RYR3: variants seen among roughly 807,000 people sequenced by gnomAD.
RYR3 encodes ryanodine receptor 3.
RYR3 carries 207 observed loss-of-function variants against 584.3 expected under a neutral mutation model. That is an observed-to-expected ratio of 0.35 (90% CI 0.32 to 0.40). The LOEUF (loss-of-function observed/expected upper bound fraction) is 0.40, where lower values mean the gene tolerates loss of function less well. Ranked by LOEUF, RYR3 falls within the 10% of genes least tolerant of loss-of-function variation. The pLI is 1.00. For missense variants in RYR3, 5,616 were observed against 6,089.2 expected, an observed-to-expected ratio of 0.92 and a Z score of 2.59; for synonymous variants, 2,416 against 2,248.5, an observed-to-expected ratio of 1.07 and a Z score of -2.11.
intron 14 of RYR3, among the ~76,000 whole-genome samples, chr15:33,582,070 A>G (rs563914935): frequency 6.6e-6 from 1 of 152,336 alleles, no homozygotes; most frequent in South Asian, 2.1e-4. Flanking sequence ...TTTGGCCTGT[A>G]ATTTATTTCA....
Position 33,807,716 on chromosome 15 carries a change from A to G in RYR3, c.10026+147A>G, listed in dbSNP as rs957956490. The G allele has an allele frequency of 1.1e-4, 84 of 786,788 alleles. No homozygotes were observed. In the African/African-American group the frequency reaches 1.3e-3, roughly 12 times the overall value. 48.7% of individuals were successfully genotyped at this position (786,788 alleles called of 1,614,324 possible). A position where few individuals can be genotyped will look rare whatever the true frequency, so the allele number is the denominator to read the frequency against. ...CCCCAGGCCTGCTCCAGGGAAGACA[A>G]CTGCCTGTCAAAGAGTGAATGTAGG... On this transcript the variant is annotated intron_variant, in intron 70 of 103. Coordinates refer to ENST00000634891, the MANE Select transcript of RYR3 (RefSeq NM_001036.6).
intron 32 of RYR3, among the ~76,000 whole-genome samples, chr15:33,659,177 G>A (rs1165003338): frequency 6.6e-6 from 1 of 152,188 alleles, no homozygotes; most frequent in African/African-American, 2.4e-5. Flanking sequence ...GGCGCCCACC[G>A]CAAAAAGCTA....
At chr15:33,832,970 T>C (rs2077787188) in intron 86 of RYR3, among the ~76,000 whole-genome samples, 1 of 147,182 alleles carries the variant, frequency 6.8e-6, no homozygotes, top group Non-Finnish European at 1.5e-5. Context: ...ATTGCACCTT[T>C]GCACTCCAGC....
chr15:33,755,221 CT>C, intron 58 of RYR3, 41 bp downstream of exon 58: 1 of 1,126,900 alleles, frequency 8.9e-7, no homozygotes, highest in Non-Finnish European at 1.3e-6. Flanking sequence ...ATTCAATATT[CT>C]TTTATCAAGA....
intron 24 of RYR3, among the ~76,000 whole-genome samples, chr15:33,634,077 ACTCT>A (rs1364803768): frequency 6.6e-6 from 1 of 151,072 alleles, no homozygotes; most frequent in African/African-American, 2.4e-5. Context: ...AATGAGACAG[ACTCT>A]CTCTCTGTCG....
intron 36 of RYR3, among the ~76,000 whole-genome samples, chr15:33,666,010 G>C (rs567603327): frequency 1.3e-5 from 2 of 152,052 alleles, no homozygotes; most frequent in African/African-American, 4.8e-5. Flanking sequence ...TTCACCCCTA[G>C]GGTTTCTTTT....
intron 42 of RYR3, 105 bp from the exon 43 acceptor site, chr15:33,706,813 TC>T: frequency 9.0e-7 from 1 of 1,110,042 alleles, no homozygotes; most frequent in Non-Finnish European, 1.3e-6. Flanking sequence ...GCACAAGAGT[TC>T]CAACTTCTCT....
At chr15:33,709,891 T>C (rs2066976899) in intron 43 of RYR3, among the ~76,000 whole-genome samples, 1 of 152,190 alleles carries the variant, frequency 6.6e-6, no homozygotes, top group Non-Finnish European at 1.5e-5. Flanking sequence ...AAAACCTAAA[T>C]GCCAAGTTGA....
intron 1 of RYR3, among the ~76,000 whole-genome samples, chr15:33,451,695 G>A (rs2047144528): frequency 6.6e-6 from 1 of 152,214 alleles, no homozygotes; most frequent in African/African-American, 2.4e-5. Flanking sequence ...TAGCAAGGAA[G>A]ATGGAATCCC....
At chr15:33,844,768 T>C (rs2078606778) in intron 92 of RYR3, 94 bp from the exon 93 acceptor site, 1 of 1,116,010 alleles carries the variant, frequency 9.0e-7, no homozygotes, top group Non-Finnish European at 1.3e-6. Context: ...CTACTATTTG[T>C]ATAGCACATG....
At chr15:33,482,668 C>G (rs1282695270) in intron 2 of RYR3, among the ~76,000 whole-genome samples, 1 of 152,192 alleles carries the variant, frequency 6.6e-6, no homozygotes, top group East Asian at 1.9e-4. Flanking sequence ...CTCCTCCCAC[C>G]TCAGCCTCCG....
chr15:33,355,422 A>C (rs1973838366), intron 1 of RYR3, among the ~76,000 whole-genome samples: 1 of 152,208 alleles, frequency 6.6e-6, no homozygotes, highest in Non-Finnish European at 1.5e-5. Flanking sequence ...CAGCCTTCCC[A>C]GCAACCCTAT....
chr15:33,594,038 G>C (rs2059259899), intron 16 of RYR3, among the ~76,000 whole-genome samples: 1 of 152,168 alleles, frequency 6.6e-6, no homozygotes, highest in Non-Finnish European at 1.5e-5. Context: ...ATACCTATGA[G>C]TTGGGTGAAT....
intron 10 of RYR3, among the ~76,000 whole-genome samples, chr15:33,562,597 T>C (rs1459443369): frequency 6.6e-6 from 1 of 152,190 alleles, no homozygotes; most frequent in Non-Finnish European, 1.5e-5. Flanking sequence ...AGGTGTCCCC[T>C]TTTCCCGTGG....
At chr15:33,347,630 G>A (rs1024970664) in intron 1 of RYR3, among the ~76,000 whole-genome samples, 1 of 151,966 alleles carries the variant, frequency 6.6e-6, no homozygotes, top group East Asian at 1.9e-4. Context: ...GTATTTTTCA[G>A]TAGAGACGGG....
intron 1 of RYR3, among the ~76,000 whole-genome samples, chr15:33,386,922 A>G (rs913829877): frequency 1.3e-5 from 2 of 152,034 alleles, no homozygotes; most frequent in African/African-American, 4.8e-5. Context: ...CAGTGGCACA[A>G]TCTCAGCTCA....
At chr15:33,701,168 C>T in intron 42 of RYR3, 88 bp downstream of exon 42, 1 of 779,408 alleles carries the variant, frequency 1.3e-6, no homozygotes, top group Non-Finnish European at 2.2e-6. Flanking sequence ...GATGGAGTCT[C>T]TGTCACTGTA....
chr15:33,861,610 C>T (rs780100478), intron 102 of RYR3, among the ~76,000 whole-genome samples: 1 of 151,894 alleles, frequency 6.6e-6, no homozygotes, highest in Non-Finnish European at 1.5e-5. Flanking sequence ...TTCAATTTTT[C>T]TCTTTTCATT....
At chr15:33,727,338 A>G (rs909771642) in intron 46 of RYR3, among the ~76,000 whole-genome samples, 1 of 152,196 alleles carries the variant, frequency 6.6e-6, no homozygotes, top group African/African-American at 2.4e-5. Flanking sequence ...TATGATTCCA[A>G]CCGTTGTCAT....
Sources: gnomAD v4.1 joint callset for allele counts (sites outside exome capture counted in the v4.1 genomes callset) on GRCh38, gnomAD v4.1.1 for gene constraint, MANE v1.5 for transcripts, NCBI Gene and HGNC (gene_info 2026-07-23, HGNC 2026-07-21) for gene names.